Variants in CADM1 observed in about 807,000 individuals in gnomAD.
CADM1 encodes cell adhesion molecule 1.
A neutral mutation model predicts 53.1 loss-of-function variants in CADM1; 15 were observed. The ratio of observed to expected loss-of-function variants is 0.28; its 90% CI spans 0.19 to 0.44. The LOEUF (loss-of-function observed/expected upper bound fraction) is 0.44, where lower values mean the gene tolerates loss of function less well. CADM1 is among the 20% of genes least tolerant of loss of function. CADM1 has a pLI of 1.00. For missense variants in CADM1, 434 were observed against 611.3 expected (o/e 0.71, Z 3.06); for synonymous variants, 281 against 243.0 (o/e 1.16, Z -1.45).
chr11:115,299,637 T>C (rs1177336911), intron 1 of CADM1, among the ~76,000 whole-genome samples: 1 of 152,176 alleles, frequency 6.6e-6, no homozygotes, highest in Non-Finnish European at 1.5e-5. Flanking sequence ...AAATCCATTC[T>C]TATATTCCTG....
intron 1 of CADM1, among the ~76,000 whole-genome samples, chr11:115,462,632 AG>A (rs1165162936): frequency 6.6e-6 from 1 of 152,198 alleles, no homozygotes; most frequent in Admixed American, 6.5e-5. Context: ...GAGGAGGAGG[AG>A]GGAGGAAAGT....
intron 1 of CADM1, among the ~76,000 whole-genome samples, chr11:115,293,214 C>T (rs769431122): frequency 2.6e-5 from 4 of 152,084 alleles, no homozygotes; most frequent in Non-Finnish European, 5.9e-5. Context: ...GGGTGGATCC[C>T]GGGGTCAGGA....
chr11:115,499,376 G>A (rs761071755), intron 1 of CADM1, among the ~76,000 whole-genome samples: 49 of 152,308 alleles, frequency 3.2e-4, no homozygotes, highest in Non-Finnish European at 2.4e-4. Context: ...TGCTTTGGAT[G>A]ACATTTCTGT....
chr11:115,482,638 A>G (rs559748877), intron 1 of CADM1, among the ~76,000 whole-genome samples: 247 of 152,278 alleles, frequency 1.6e-3, no homozygotes, highest in Non-Finnish European at 2.6e-3. Flanking sequence ...TGTTTCTCTT[A>G]TAAGATGGTT....
intron 1 of CADM1, among the ~76,000 whole-genome samples, chr11:115,409,269 C>T (rs978366530): frequency 6.6e-6 from 1 of 152,156 alleles, no homozygotes; most frequent in Non-Finnish European, 1.5e-5. Context: ...CATCACAACA[C>T]CTCTCTACAT....
intron 1 of CADM1, among the ~76,000 whole-genome samples, chr11:115,284,087 A>ACACTCTCTCTCTCT (rs1555055854): frequency 6.3e-5 from 3 of 47,576 alleles, no homozygotes; most frequent in Non-Finnish European, 1.1e-4. Flanking sequence ...AAGCCCAGAC[A>ACACTCTCTCTCTCT]CTCTCTCTCT....
intron 1 of CADM1, chr11:115,256,991 T>A (rs1428643403): frequency 2.3e-6 from 1 of 429,800 alleles, no homozygotes; most frequent in Non-Finnish European, 4.8e-6. Context: ...ACATTTAGAG[T>A]GTGAATTACG....
intron 1 of CADM1, among the ~76,000 whole-genome samples, chr11:115,303,097 A>G (rs1214626482): frequency 6.6e-6 from 1 of 152,054 alleles, no homozygotes; most frequent in Non-Finnish European, 1.5e-5. Flanking sequence ...GGCAACAAAT[A>G]ATCTCCCAGG....
At chr11:115,334,322 G>GT (rs1945207424) in intron 1 of CADM1, among the ~76,000 whole-genome samples, 1 of 152,048 alleles carries the variant, frequency 6.6e-6, no homozygotes, top group Non-Finnish European at 1.5e-5. Flanking sequence ...TATCAGCCAA[G>GT]TTTCTGGTAT....
intron 1 of CADM1, among the ~76,000 whole-genome samples, chr11:115,258,568 G>A (rs1436215792): frequency 6.6e-6 from 1 of 152,138 alleles, no homozygotes; most frequent in East Asian, 1.9e-4. Context: ...TCTAAGATTT[G>A]GGCCCTATAG....
intron 1 of CADM1, among the ~76,000 whole-genome samples, chr11:115,474,129 C>T (rs1174833722): frequency 6.6e-6 from 1 of 151,318 alleles, no homozygotes; most frequent in East Asian, 1.9e-4. Flanking sequence ...CCGGTCTCTA[C>T]TAAAAATACA....
At chr11:115,315,560 T>A (rs1293669045) in intron 1 of CADM1, among the ~76,000 whole-genome samples, 1 of 152,064 alleles carries the variant, frequency 6.6e-6, no homozygotes, top group Admixed American at 6.6e-5. Flanking sequence ...TAAATTCACA[T>A]GGCCACCTCT....
intron 1 of CADM1, among the ~76,000 whole-genome samples, chr11:115,414,361 C>T (rs1021630208): frequency 1.2e-4 from 19 of 152,084 alleles, no homozygotes; most frequent in Non-Finnish European, 2.5e-4. Flanking sequence ...AAAAGTAACA[C>T]AGAAACCACT....
chr11:115,301,471 A>G (rs1346569100), intron 1 of CADM1, among the ~76,000 whole-genome samples: 1 of 152,148 alleles, frequency 6.6e-6, no homozygotes, highest in African/African-American at 2.4e-5. Context: ...CAAATAAAAA[A>G]TAACCCTAGT....
intron 1 of CADM1, among the ~76,000 whole-genome samples, chr11:115,464,551 G>C (rs955398863): frequency 6.6e-6 from 1 of 152,118 alleles, no homozygotes; most frequent in Non-Finnish European, 1.5e-5. Context: ...TGTCAACAGA[G>C]GCTGTGTCCT....
At chr11:115,278,844 A>G (rs1442619252) in intron 1 of CADM1, among the ~76,000 whole-genome samples, 1 of 152,218 alleles carries the variant, frequency 6.6e-6, no homozygotes, top group Non-Finnish European at 1.5e-5. Context: ...GAAGGAGTTT[A>G]TACAATGTGG....
At chr11:115,216,815 C>T (rs956093414) in intron 6 of CADM1, among the ~76,000 whole-genome samples, 3 of 152,136 alleles carry the variant, frequency 2.0e-5, no homozygotes, top group African/African-American at 4.8e-5. Context: ...CTTTGGCTTT[C>T]TGGTCTCTTG....
chr11:115,500,206 A>T (rs1346838670), intron 1 of CADM1, among the ~76,000 whole-genome samples: 2 of 152,216 alleles, frequency 1.3e-5, no homozygotes, highest in Non-Finnish European at 2.9e-5. Context: ...AATTTTCTTC[A>T]TCTGCTGGTA....
intron 10 of CADM1, chr11:115,190,587 A>G (rs530007641): frequency 3.0e-6 from 1 of 332,702 alleles, no homozygotes; most frequent in African/African-American, 2.1e-5. Flanking sequence ...CACATTATAT[A>G]TCTAGGACAT....
Sources: allele counts gnomAD v4.1 joint callset (sites outside exome capture counted in the v4.1 genomes callset), GRCh38; gene constraint gnomAD v4.1.1; transcripts MANE v1.5; gene names NCBI Gene and HGNC (gene_info 2026-07-23, HGNC 2026-07-21).